The following ATP6V1B2 variants were observed in gnomAD, a reference collection of about 807,000 sequenced individuals.
The protein encoded by ATP6V1B2 is ATPase H+ transporting V1 subunit B2.
A neutral mutation model predicts 66.7 loss-of-function variants in ATP6V1B2; 23 were observed. That is an observed-to-expected ratio of 0.34 (90% CI 0.25 to 0.49). ATP6V1B2 has a LOEUF of 0.49. Among genes scored for constraint, ATP6V1B2 ranks in the 20% least tolerant of loss-of-function variants. ATP6V1B2 has a pLI of 0.99. For missense variants in ATP6V1B2, 478 were observed against 650.8 expected, an observed-to-expected ratio of 0.73 and a Z score of 2.89; for synonymous variants, 278 against 236.7, an observed-to-expected ratio of 1.17 and a Z score of -1.60.
chr8:20,209,785 G>C (rs542067655), intron 3 of ATP6V1B2, among the ~76,000 whole-genome samples: 1 of 152,276 alleles, frequency 6.6e-6, no homozygotes, highest in East Asian at 1.9e-4. Flanking sequence ...ATGAAAAGCA[G>C]AATTCACTGA....
At chr8:20,219,241 G>T (rs2072884857) in intron 13 of ATP6V1B2, among the ~76,000 whole-genome samples, 1 of 152,150 alleles carries the variant, frequency 6.6e-6, no homozygotes, top group South Asian at 2.1e-4. Flanking sequence ...GAAGCTGCTG[G>T]TCTCTGACCA....
At chr8:20,200,264 C>A (rs200066632) in intron 1 of ATP6V1B2, among the ~76,000 whole-genome samples, 7 of 151,816 alleles carry the variant, frequency 4.6e-5, no homozygotes, top group African/African-American at 1.7e-4. Flanking sequence ...GAGATCCGCC[C>A]GCCATGGCCT....
intron 2 of ATP6V1B2, among the ~76,000 whole-genome samples, chr8:20,206,227 C>G (rs977704088): frequency 1.3e-5 from 2 of 152,080 alleles, no homozygotes; most frequent in Admixed American, 6.5e-5. Flanking sequence ...GTGTTTTTTC[C>G]TATAACAATT....
Position 20,211,474 on chromosome 8 carries a change from C to T in ATP6V1B2, c.603+158C>T, listed in dbSNP as rs751374599. 7.8e-6 allele frequency: 10 copies of T among 1,282,852 alleles called. No homozygotes were observed. The East Asian group carries it at 1.5e-4, about 19-fold the overall frequency. 79.5% of individuals were successfully genotyped at this position (1,282,852 alleles called of 1,614,324 possible). ...CTCACATCTTTATTTCTGCACATGT[C>T]TTCTTGCTTACCCTTGCATATCTTT... On this transcript the variant is annotated intron_variant, in intron 6 of 13. Coordinates refer to ENST00000276390, the MANE Select transcript of ATP6V1B2 (RefSeq NM_001693.4).
intron 12 of ATP6V1B2, 54 bp from the exon 13 acceptor site, chr8:20,218,099 G>A: frequency 6.3e-7 from 1 of 1,596,774 alleles, no homozygotes; most frequent in South Asian, 1.1e-5. Context: ...TATCCCAGAT[G>A]ACTGAACATT....
chr8:20,205,208 C>T (rs1213213811), intron 2 of ATP6V1B2, among the ~76,000 whole-genome samples: 1 of 151,984 alleles, frequency 6.6e-6, no homozygotes, highest in East Asian at 1.9e-4. Context: ...TAATTGTTTT[C>T]TATATTCTTT....
At chr8:20,209,397 A>G in intron 2 of ATP6V1B2, 36 bp from the exon 3 acceptor site, 1 of 1,594,586 alleles carries the variant, frequency 6.3e-7, no homozygotes, top group Non-Finnish European at 8.6e-7. Flanking sequence ...GGCTTGTAAA[A>G]TGTCGGATAT....
At position 20,218,275 on chromosome 8, in the gene ATP6V1B2, T is replaced by G. The variant is rs970410030; in HGVS notation, c.1389T>G (p.Ile463Met). 6 of 1,613,190 alleles carry G rather than the reference T, an allele frequency of 3.7e-6. No homozygotes were observed. The highest frequency in any genetic ancestry group is 5.1e-6 in the Non-Finnish European group (6 of 1,179,320). ...EFLQKFERNF[I>M]AQGPYENRTV... ...TGCAGAAGTTTGAGAGGAACTTCAT[T>G]GCTCAGGGTAAGATGACTGTTGGCT... The change falls in exon 13 of 14, where the codon ATT becomes ATG. Residue 463 changes from isoleucine to methionine, a missense_variant. This residue lies in a region of ATP6V1B2 where 326 missense variants were observed against 545.6 expected (regional missense o/e 0.60). Coordinates refer to ENST00000276390, the MANE Select transcript of ATP6V1B2 (RefSeq NM_001693.4).
chr8:20,210,624 C>G lies in ATP6V1B2; in HGVS notation c.441C>G (p.Ala147=). 3 of 1,613,596 alleles carry G rather than the reference C, an allele frequency of 1.9e-6. No homozygotes were observed. Among genetic ancestry groups the G allele is most frequent in the Non-Finnish European group, 2.5e-6 (3 of 1,179,698 alleles). ...KPIDRGPVVL[A]EDFLDIMGQP... is the part of the protein sequence containing the mutation. Reference sequence around the variant, plus strand: ...TTGACAGAGGTCCTGTTGTACTGGCCGAAGACTTCCTTGATATCATGGGTA... The same window carrying G: ...TTGACAGAGGTCCTGTTGTACTGGCGGAAGACTTCCTTGATATCATGGGTA... Residue 147 remains alanine, a synonymous_variant, in exon 5 of 14, where the codon GCC becomes GCG. Coordinates refer to ENST00000276390, the MANE Select transcript of ATP6V1B2 (RefSeq NM_001693.4).
chr8:20,206,799 C>G (rs1264807047), intron 2 of ATP6V1B2, among the ~76,000 whole-genome samples: 1 of 152,178 alleles, frequency 6.6e-6, no homozygotes, highest in Non-Finnish European at 1.5e-5. Flanking sequence ...TACCGCTACT[C>G]TGTCAGGAAG....
chr8:20,207,833 A>G (rs1325938971), intron 2 of ATP6V1B2, among the ~76,000 whole-genome samples: 1 of 152,166 alleles, frequency 6.6e-6, no homozygotes, highest in South Asian at 2.1e-4. Flanking sequence ...TAGAGAATCT[A>G]TAAAACTTCT....
intron 3 of ATP6V1B2, 74 bp downstream of exon 3, chr8:20,209,605 G>A (rs944469381): frequency 1.1e-5 from 15 of 1,340,884 alleles, no homozygotes; most frequent in Non-Finnish European, 1.5e-5. Context: ...TTCTTTCTGT[G>A]ATGATCATTG....
intron 1 of ATP6V1B2, among the ~76,000 whole-genome samples, chr8:20,201,103 G>A (rs534902802): frequency 6.6e-6 from 1 of 152,220 alleles, no homozygotes; most frequent in South Asian, 2.1e-4. Flanking sequence ...ATAAATACTT[G>A]TCTGGCTCAT....
At chr8:20,210,857 T>C (rs1167699481) in intron 5 of ATP6V1B2, among the ~76,000 whole-genome samples, 1 of 152,152 alleles carries the variant, frequency 6.6e-6, no homozygotes, top group Non-Finnish European at 1.5e-5. Flanking sequence ...CTGTAAAATA[T>C]CTAGGATATA....
At chr8:20,201,549 C>G (rs557679314) in intron 1 of ATP6V1B2, among the ~76,000 whole-genome samples, 1 of 152,290 alleles carries the variant, frequency 6.6e-6, no homozygotes, top group South Asian at 2.1e-4. Context: ...GTGCTAGAAG[C>G]TGTATGATCT....
intron 13 of ATP6V1B2, among the ~76,000 whole-genome samples, chr8:20,219,932 T>C (rs1402471189): frequency 1.3e-5 from 2 of 152,184 alleles, no homozygotes; most frequent in Non-Finnish European, 2.9e-5. Context: ...AGGGAGACTT[T>C]TCTTACTAAT....
chr8:20,204,066 T>C, intron 1 of ATP6V1B2: 1 of 450,350 alleles, frequency 2.2e-6, no homozygotes, highest in Non-Finnish European at 4.4e-6. Context: ...CTATAAAGTT[T>C]TTACTTTTCT....
Position 20,211,664 on chromosome 8 carries a change from A to G in ATP6V1B2, c.616A>G (p.Ile206Val). ...GLPHNEIAAQ[I>V]CRQAGLVKKS... ...CTTTGTTCATCAGATTGCAGCTCAGATCTGTCGCCAGGCTGGTTTGGTAAA... is the reference window on the plus strand; with the variant it reads ...CTTTGTTCATCAGATTGCAGCTCAGGTCTGTCGCCAGGCTGGTTTGGTAAA... The change falls in exon 7 of 14, where the codon ATC (isoleucine) becomes GTC (valine). Residue 206 changes from isoleucine to valine, a missense_variant. Transcript: ENST00000276390. The G allele has an allele frequency of 1.2e-6, 2 of 1,610,510 alleles. No homozygotes were observed. The highest frequency in any genetic ancestry group is 2.2e-5 in the South Asian group (2 of 90,186).
chr8:20,218,122 C>G (rs1052184453), intron 12 of ATP6V1B2, 31 bp from the exon 13 acceptor site: 31 of 1,605,718 alleles, frequency 1.9e-5, no homozygotes, highest in Non-Finnish European at 2.6e-5. Context: ...GAGAGCTTCT[C>G]TCTGCTGATG....
Sources: allele counts gnomAD v4.1 joint callset (sites outside exome capture counted in the v4.1 genomes callset), GRCh38; gene constraint gnomAD v4.1.1; regional missense constraint gnomAD v4.1.1; transcripts MANE v1.5; gene names NCBI Gene and HGNC (gene_info 2026-07-23, HGNC 2026-07-21).